The following SAMD5 variants were observed in gnomAD, a reference collection of about 807,000 sequenced individuals.
The protein encoded by SAMD5 is sterile alpha motif domain containing 5, also known as sterile alpha motif domain-containing protein 5.
Under a neutral mutation model 11.3 loss-of-function variants are expected in SAMD5, and 13 were observed. That is an observed-to-expected ratio of 1.15 (90% CI 0.75 to 1.83). The LOEUF (loss-of-function observed/expected upper bound fraction) is 1.83. SAMD5 is among the 40% of genes most tolerant of loss of function. The pLI is 0.00. For synonymous variants in SAMD5, 129 were observed against 111.3 expected (o/e 1.16, Z -1.00); for missense variants, 255 against 239.1 (o/e 1.07, Z -0.44).
At chr6:147,799,245 C>A in the SAMD5 span, among the ~76,000 whole-genome samples, 1,872 of 152,014 alleles carry the variant, frequency 0.012, 49 homozygotes, top group African/African-American at 0.042. Context: ...CCTTCAGGAG[C>A]TCTTTTAGGG....
At chr6:147,824,390 T>G in the SAMD5 span, among the ~76,000 whole-genome samples, 1 of 152,180 alleles carries the variant, frequency 6.6e-6, no homozygotes, top group Non-Finnish European at 1.5e-5. Flanking sequence ...TATGCTAATG[T>G]TTACAGGCAT....
rs112294657 is a variant in SAMD5 at position 147,594,782 on chromosome 6, T to C, written c.162+85395T>C. On this transcript the variant is annotated intron_variant, in intron 1 of 1. Coordinates refer to the SAMD5 transcript ENST00000566741. Reference sequence around the variant, plus strand: ...CAGAAATTTGGCCATATGAAGAAAATTGGGGTCCAACCTGATGGTCTTCAG... The same window carrying C: ...CAGAAATTTGGCCATATGAAGAAAACTGGGGTCCAACCTGATGGTCTTCAG... 5.2e-3 allele frequency among the ~76,000 whole-genome samples: 790 copies of C among 152,164 alleles called. 8 individuals carry two copies. The highest frequency in any genetic ancestry group is 0.018 in the African/African-American group (748 of 41,524).
At position 147,560,214 on chromosome 6, in the gene SAMD5, G is replaced by A. The variant is rs1255828855; in HGVS notation, c.460-4180G>A. Among the ~76,000 whole-genome samples, 4 of 152,248 alleles carry A rather than the reference G, an allele frequency of 2.6e-5. No homozygotes were observed. In the East Asian group the frequency reaches 7.7e-4, roughly 29 times the overall value. ...TTGGAGAAATTTACAGTTACAGTGA[G>A]GCTCTCCATGCAAATTCCCACCTTT... On this transcript the variant is annotated intron_variant, in intron 1 of 1. Transcript: ENST00000367474.
intron 1 of SAMD5, among the ~76,000 whole-genome samples, chr6:147,729,259 A>C (rs1459245882): frequency 6.6e-6 from 1 of 152,206 alleles, no homozygotes; most frequent in Non-Finnish European, 1.5e-5. Context: ...CCATTTCCAA[A>C]TAAAGTCACA....
chr6:147,938,045 T>G, the SAMD5 span, among the ~76,000 whole-genome samples: 1 of 152,328 alleles, frequency 6.6e-6, no homozygotes, highest in African/African-American at 2.4e-5. Context: ...AAAACTTCTT[T>G]GTAATTCAAG....
the SAMD5 span, among the ~76,000 whole-genome samples, chr6:147,833,129 C>T: frequency 3.9e-4 from 59 of 152,226 alleles, no homozygotes; most frequent in Non-Finnish European, 6.9e-4. Context: ...CAATTGTCCC[C>T]TCTGGAGACC....
rs143525388 is a variant in SAMD5 at position 147,711,014 on chromosome 6, G to C, written c.163-26303G>C. Among the ~76,000 whole-genome samples the C allele has an allele frequency of 3.6e-4, 54 of 151,462 alleles. 2 individuals are homozygous for C. Among genetic ancestry groups the C allele is most frequent in the African/African-American group, 1.2e-3 (51 of 41,226 alleles). On this transcript the variant is annotated intron_variant, in intron 1 of 1. Transcript: ENST00000566741. This position sits in a 1 kb window ranked among gnomAD's most constrained non-coding sequence, Gnocchi z 4.1. ...AGGGAGGGAAGGAAAATAAAGGAAG[G>C]AAGGAAATAAGGAAGGAGGGAAGGA... is the stretch of plus-strand genomic sequence containing the variant.
Position 147,631,636 on chromosome 6 carries a change from C to T in SAMD5, c.163-105681C>T, listed in dbSNP as rs189331291. 7.1e-4 allele frequency among the ~76,000 whole-genome samples: 108 copies of T among 152,236 alleles called. 1 individual carries two copies. The highest frequency in any genetic ancestry group is 2.3e-3 in the African/African-American group (95 of 41,538). ...TCTGACAGAAGGGAAGAAATGACCGCGGTGAACTTCTCAGACCCTGTGGGA... is the reference window on the plus strand; with the variant it reads ...TCTGACAGAAGGGAAGAAATGACCGTGGTGAACTTCTCAGACCCTGTGGGA... On this transcript the variant is annotated intron_variant, in intron 1 of 1. Transcript: ENST00000566741.
chr6:147,893,176 T>C, the SAMD5 span, among the ~76,000 whole-genome samples: 1 of 149,618 alleles, frequency 6.7e-6, no homozygotes, highest in Non-Finnish European at 1.5e-5. Context: ...CACTCCAGCC[T>C]GGGCAATGAG....
the SAMD5 span, among the ~76,000 whole-genome samples, chr6:147,915,320 A>C: frequency 6.6e-6 from 1 of 152,214 alleles, no homozygotes; most frequent in Non-Finnish European, 1.5e-5. Flanking sequence ...AAAAACAGAG[A>C]GTCTGCAATA....
At position 147,566,283 on chromosome 6, in the gene SAMD5, T is replaced by C; in HGVS notation, c.*1827T>C. 1 of 979,020 alleles carries C rather than the reference T, an allele frequency of 1.0e-6. No homozygotes were observed. The highest frequency in any genetic ancestry group is 1.2e-6 in the Non-Finnish European group (1 of 824,042). The allele number at this position is 979,020 out of a possible 1,614,324, so 60.6% of individuals were successfully genotyped here. On this transcript the variant is annotated 3_prime_UTR_variant, in exon 2 of 2. Transcript: ENST00000367474. ...TCAGGATTATATTCCAGTTAACCTT[T>C]CATCTTTTTTTTTTTTCCAAATGAA... is the stretch of plus-strand genomic sequence containing the variant.
the SAMD5 span, among the ~76,000 whole-genome samples, chr6:147,943,207 G>A: frequency 6.6e-6 from 1 of 152,148 alleles, no homozygotes; most frequent in Non-Finnish European, 1.5e-5. Context: ...GAGAAATACT[G>A]TATGTGCACG....
chr6:147,950,529 G>A, the SAMD5 span, among the ~76,000 whole-genome samples: 1 of 152,090 alleles, frequency 6.6e-6, no homozygotes, highest in Admixed American at 6.5e-5. Context: ...ATTTGGCCCC[G>A]ACCTGGTATG....
the SAMD5 span, among the ~76,000 whole-genome samples, chr6:147,836,381 C>G: frequency 6.6e-6 from 1 of 152,138 alleles, no homozygotes; most frequent in Non-Finnish European, 1.5e-5. Flanking sequence ...TATAGATGCT[C>G]CTTGACTTGC....
chr6:147,845,975 G>A, the SAMD5 span, among the ~76,000 whole-genome samples: 1 of 152,014 alleles, frequency 6.6e-6, no homozygotes, highest in Admixed American at 6.6e-5. Context: ...AACAACCCAG[G>A]TTTCCATCAA....
chr6:147,917,206 T>G, the SAMD5 span, among the ~76,000 whole-genome samples: 1 of 122,872 alleles, frequency 8.1e-6, no homozygotes, highest in South Asian at 3.0e-4. Context: ...TTCCACATCC[T>G]CTCCAGCACC....
At chr6:147,932,191 C>G in the SAMD5 span, among the ~76,000 whole-genome samples, 37 of 152,246 alleles carry the variant, frequency 2.4e-4, 1 homozygote, top group South Asian at 7.7e-3. Flanking sequence ...AGTAAACAAA[C>G]TGAAGTACAA....
At chr6:147,859,328 T>C in the SAMD5 span, among the ~76,000 whole-genome samples, 1 of 152,216 alleles carries the variant, frequency 6.6e-6, no homozygotes, top group Non-Finnish European at 1.5e-5. Context: ...TGGCCATGCC[T>C]ACCATAGGAA....
chr6:147,648,297 G>A (rs373964867), intron 1 of SAMD5, among the ~76,000 whole-genome samples: 2 of 152,156 alleles, frequency 1.3e-5, no homozygotes, highest in East Asian at 1.9e-4. Flanking sequence ...ATGAACACAG[G>A]AGGAACTACC....
Sources: allele counts gnomAD v4.1 joint callset (sites outside exome capture counted in the v4.1 genomes callset), GRCh38; gene constraint gnomAD v4.1.1; non-coding constraint Gnocchi (gnomAD v3.1); transcripts MANE v1.5; gene names NCBI Gene and HGNC (gene_info 2026-07-23, HGNC 2026-07-21).